LARGE1: variants seen among roughly 807,000 people sequenced by gnomAD.
LARGE1 encodes the protein xylosyl- and glucuronyltransferase LARGE1.
LARGE1 carries 43 observed loss-of-function variants against 87.6 expected under a neutral mutation model. The ratio of observed to expected loss-of-function variants is 0.49; its 90% confidence interval spans 0.38 to 0.63. The LOEUF (loss-of-function observed/expected upper bound fraction) is 0.63. LARGE1 is among the 30% of genes least tolerant of loss of function. The pLI is 0.00. For missense variants in LARGE1, 802 were observed against 1,000.2 expected, an observed-to-expected ratio of 0.80 and a Z score of 2.67; for synonymous variants, 434 against 394.6, an observed-to-expected ratio of 1.10 and a Z score of -1.18.
chr22:33,526,800 A>G (rs1439939043), intron 6 of LARGE1, among the ~76,000 whole-genome samples: 3 of 152,198 alleles, frequency 2.0e-5, no homozygotes, highest in Admixed American at 6.5e-5. Flanking sequence ...TTAATCAAAT[A>G]CTCAATTAAT....
At chr22:33,719,139 A>T (rs2083001406) in intron 2 of LARGE1, among the ~76,000 whole-genome samples, 1 of 152,230 alleles carries the variant, frequency 6.6e-6, no homozygotes, top group African/African-American at 2.4e-5. Flanking sequence ...TAAAAGATTT[A>T]AAAACAGCAA....
chr22:33,896,169 T>C (rs749224494), intron 1 of LARGE1, among the ~76,000 whole-genome samples: 1 of 152,244 alleles, frequency 6.6e-6, no homozygotes, highest in African/African-American at 2.4e-5. Flanking sequence ...GGACTTTACA[T>C]AGGTGGAATG....
chr22:33,738,269 C>T (rs188999765), intron 2 of LARGE1, among the ~76,000 whole-genome samples: 34 of 152,264 alleles, frequency 2.2e-4, no homozygotes, highest in African/African-American at 7.5e-4. Context: ...GAACAAAGGC[C>T]AATCCCACAG....
chr22:33,821,713 C>A (rs2086824913), intron 1 of LARGE1, among the ~76,000 whole-genome samples: 1 of 146,886 alleles, frequency 6.8e-6, no homozygotes, highest in Non-Finnish European at 1.5e-5. Flanking sequence ...ATATTTTTCC[C>A]AGCAGAAAGG....
intron 1 of LARGE1, among the ~76,000 whole-genome samples, chr22:33,878,191 G>A (rs1396242661): frequency 5.9e-5 from 7 of 119,078 alleles, no homozygotes; most frequent in South Asian, 2.8e-4. Context: ...AGGCTGGAGC[G>A]CAATGGTGTG....
chr22:33,571,853 G>C (rs1237402317), intron 5 of LARGE1, among the ~76,000 whole-genome samples: 1 of 151,970 alleles, frequency 6.6e-6, no homozygotes, highest in African/African-American at 2.4e-5. Context: ...ACTGGACCTG[G>C]CTTATTCAAT....
At chr22:33,759,970 G>A (rs1436287989) in intron 2 of LARGE1, among the ~76,000 whole-genome samples, 2 of 152,198 alleles carry the variant, frequency 1.3e-5, no homozygotes, top group Non-Finnish European at 2.9e-5. Flanking sequence ...ACTGGGCTGA[G>A]CATCCTGAGC....
At chr22:33,095,493 C>T in the LARGE1 span, among the ~76,000 whole-genome samples, 1 of 152,114 alleles carries the variant, frequency 6.6e-6, no homozygotes, top group Non-Finnish European at 1.5e-5. Context: ...ACGCAGAGAC[C>T]CTATTTCCAA....
intron 1 of LARGE1, among the ~76,000 whole-genome samples, chr22:33,793,362 C>A (rs1372256112): frequency 1.3e-5 from 2 of 152,036 alleles, no homozygotes; most frequent in Admixed American, 6.6e-5. Flanking sequence ...AATCAGTCTC[C>A]GCTCCCACCT....
the LARGE1 span, among the ~76,000 whole-genome samples, chr22:33,073,792 T>G: frequency 6.6e-6 from 1 of 152,150 alleles, no homozygotes; most frequent in African/African-American, 2.4e-5. Context: ...AGGTAAAGGA[T>G]TTGGTAGCCG....
chr22:33,494,250 C>G (rs1405013192), intron 6 of LARGE1, among the ~76,000 whole-genome samples: 1 of 152,150 alleles, frequency 6.6e-6, no homozygotes, highest in Non-Finnish European at 1.5e-5. Flanking sequence ...GTTATTGGGT[C>G]CTGGGCAATG....
At chr22:33,735,271 T>C (rs1156635450) in intron 2 of LARGE1, among the ~76,000 whole-genome samples, 2 of 152,316 alleles carry the variant, frequency 1.3e-5, no homozygotes, top group East Asian at 3.9e-4. Flanking sequence ...CGAAGCCTTT[T>C]TCCTTTGTTT....
intron 1 of LARGE1, chr22:33,889,279 C>T (rs1320758282): frequency 6.6e-6 from 1 of 152,178 alleles, no homozygotes; most frequent in Non-Finnish European, 1.5e-5. Context: ...AAGTGTATGT[C>T]TGACAATTTT....
intron 6 of LARGE1, among the ~76,000 whole-genome samples, chr22:33,496,737 C>A (rs971395280): frequency 6.6e-6 from 1 of 152,190 alleles, no homozygotes; most frequent in African/African-American, 2.4e-5. Flanking sequence ...AGGTCCTGCC[C>A]AGAAAACAGT....
At chr22:33,248,257 G>C (rs984351350) in intron 11 of LARGE1, among the ~76,000 whole-genome samples, 2 of 151,954 alleles carry the variant, frequency 1.3e-5, no homozygotes, top group African/African-American at 2.4e-5. Flanking sequence ...GTGTGTTCTC[G>C]GCTCACTGCA....
intron 1 of LARGE1, among the ~76,000 whole-genome samples, chr22:33,871,607 T>G (rs77759966): frequency 0.01 from 1,531 of 152,276 alleles, 21 homozygotes; most frequent in African/African-American, 0.035. Flanking sequence ...ATTTCAAGCT[T>G]CTTATTTTAA....
intron 1 of LARGE1, among the ~76,000 whole-genome samples, chr22:33,875,811 C>T (rs993956356): frequency 5.9e-5 from 9 of 152,186 alleles, no homozygotes; most frequent in African/African-American, 2.2e-4. Flanking sequence ...CTGTCCCACA[C>T]TCTGACACCT....
chr22:33,295,013 AG>A (rs1221018248), intron 12 of LARGE1, among the ~76,000 whole-genome samples: 2 of 152,298 alleles, frequency 1.3e-5, no homozygotes, highest in East Asian at 1.9e-4. Context: ...ATCTTTGACT[AG>A]GTTGTCCTAA....
chr22:33,880,710 T>A (rs6518841), intron 1 of LARGE1, among the ~76,000 whole-genome samples: 6 of 151,934 alleles, frequency 3.9e-5, no homozygotes, highest in South Asian at 4.2e-4. Context: ...CATCTGAATC[T>A]TCAACTAGGT....
Sources: allele counts gnomAD v4.1 joint callset (sites outside exome capture counted in the v4.1 genomes callset), GRCh38; gene constraint gnomAD v4.1.1; transcripts MANE v1.5; gene names NCBI Gene and HGNC (gene_info 2026-07-23, HGNC 2026-07-21).